Variants in CNTN4 observed in about 807,000 individuals in gnomAD.
CNTN4 encodes the protein contactin-4.
A neutral mutation model predicts 122.5 loss-of-function variants in CNTN4; 77 were observed. The ratio of observed to expected loss-of-function variants is 0.63; its 90% CI spans 0.52 to 0.76. The LOEUF is 0.76. Among genes scored for constraint, CNTN4 ranks in the 30% least tolerant of loss-of-function variants. The probability of loss-of-function intolerance (pLI) is 0.00; values close to 1 mark genes in which losing one functional copy is unlikely to be tolerated. For missense variants in CNTN4, 1,256 were observed against 1,259.1 expected, an observed-to-expected ratio of 1.00 and a Z score of 0.04; for synonymous variants, 512 against 447.0, an observed-to-expected ratio of 1.15 and a Z score of -1.83.
intron 7 of CNTN4, among the ~76,000 whole-genome samples, chr3:2,854,528 C>T (rs1408417050): frequency 6.6e-6 from 1 of 152,080 alleles, no homozygotes; most frequent in Non-Finnish European, 1.5e-5. Context: ...CTGCCTCTGC[C>T]TCCCAAAGTG....
At chr3:2,367,526 T>C (rs937811951) in intron 3 of CNTN4, among the ~76,000 whole-genome samples, 1 of 152,212 alleles carries the variant, frequency 6.6e-6, no homozygotes, top group African/African-American at 2.4e-5. Flanking sequence ...GAGTCTTTTT[T>C]TTATTTTTAT....
intron 4 of CNTN4, among the ~76,000 whole-genome samples, chr3:2,656,138 C>T (rs1339086840): frequency 4.6e-5 from 7 of 152,016 alleles, no homozygotes; most frequent in Non-Finnish European, 5.9e-5. Context: ...ATTTTTAAAA[C>T]AATTAAAAGA....
At chr3:2,296,887 G>A (rs1414295922) in intron 2 of CNTN4, among the ~76,000 whole-genome samples, 2 of 151,566 alleles carry the variant, frequency 1.3e-5, no homozygotes, top group African/African-American at 4.8e-5. Flanking sequence ...GATCTTCAAT[G>A]TAGTATTCTA....
At chr3:3,049,355 T>A in intron 23 of CNTN4, among the ~76,000 whole-genome samples, 1 of 152,228 alleles carries the variant, frequency 6.6e-6, no homozygotes, top group Non-Finnish European at 1.5e-5. Flanking sequence ...AGTGCTGGGA[T>A]TACAGGCATG....
chr3:2,605,228 CT>C (rs1191141314), intron 4 of CNTN4, among the ~76,000 whole-genome samples: 5 of 152,152 alleles, frequency 3.3e-5, no homozygotes, highest in African/African-American at 1.2e-4. Context: ...TTTTGAACTC[CT>C]GGTCTAAAGT....
chr3:2,988,483 A>G lies in CNTN4; in HGVS notation c.1486+11A>G. 6.2e-7 allele frequency: 1 copy of G among 1,613,598 alleles called. No homozygotes were observed. Among genetic ancestry groups the G allele is most frequent in the Non-Finnish European group, 8.5e-7 (1 of 1,179,594 alleles). Reference sequence around the variant, plus strand: ...ACTTGGTAGTGAAAGGTAATGGCTAACCCAAAGAATTCGAATATTTATATA... The same window carrying G: ...ACTTGGTAGTGAAAGGTAATGGCTAGCCCAAAGAATTCGAATATTTATATA... On this transcript the variant is annotated intron_variant, in intron 14 of 24. Transcript: ENST00000418658.
In CNTN4 at chr3:2,273,709, T is replaced by C. The variant is rs752580888; in HGVS notation, c.-144-65469T>C. ...TGCTTCCCACTTTACTATTTTCCTC[T>C]TAATGCAGTACTAATATATGTTGAA... On this transcript the variant is annotated intron_variant, in intron 2 of 24. Coordinates refer to ENST00000418658, the MANE Select transcript of CNTN4 (RefSeq NM_175607.3). 3.9e-5 allele frequency among the ~76,000 whole-genome samples: 6 copies of C among 152,310 alleles called. No individual in the cohort carries two copies. The South Asian group carries it at 1.2e-3, about 32-fold the overall frequency.
At chr3:2,675,391 C>T (rs936274554) in intron 4 of CNTN4, among the ~76,000 whole-genome samples, 1 of 152,178 alleles carries the variant, frequency 6.6e-6, no homozygotes, top group Admixed American at 6.5e-5. Context: ...TATAAGTTCT[C>T]ACCTAAATGC....
intron 3 of CNTN4, among the ~76,000 whole-genome samples, chr3:2,386,366 G>T (rs1447237474): frequency 6.6e-6 from 1 of 152,146 alleles, no homozygotes; most frequent in Non-Finnish European, 1.5e-5. Flanking sequence ...TAGTTTTTCT[G>T]TCTGGGCCTG....
At chr3:2,825,041 T>TG (rs1222961507) in intron 7 of CNTN4, among the ~76,000 whole-genome samples, 2 of 152,074 alleles carry the variant, frequency 1.3e-5, no homozygotes, top group African/African-American at 4.8e-5. Flanking sequence ...ATAAAGGAAA[T>TG]GAAAAACTAA....
chr3:2,518,178 C>G (rs2077092210), intron 3 of CNTN4, among the ~76,000 whole-genome samples: 1 of 151,914 alleles, frequency 6.6e-6, no homozygotes, highest in Admixed American at 6.6e-5. Flanking sequence ...ACTTTCTTAC[C>G]TAAATTATTA....
chr3:2,684,335 A>G (rs1418097492), intron 4 of CNTN4, among the ~76,000 whole-genome samples: 1 of 152,158 alleles, frequency 6.6e-6, no homozygotes, highest in South Asian at 2.1e-4. Flanking sequence ...TGCAGCTGAG[A>G]ATCCTGGACA....
chr3:2,694,016 TC>T (rs1208371539), intron 4 of CNTN4, among the ~76,000 whole-genome samples: 6 of 152,130 alleles, frequency 3.9e-5, no homozygotes, highest in Non-Finnish European at 8.8e-5. Flanking sequence ...TTGCCCCACT[TC>T]CCCGTTTACT....
rs11918942 is a variant in CNTN4, at chr3:2,210,062, A to G, written c.-145+109423A>G. Among the ~76,000 whole-genome samples, 910 of 152,160 alleles carry G rather than the reference A, an allele frequency of 6.0e-3. 4 individuals carry two copies. Among genetic ancestry groups the G allele is most frequent in the African/African-American group, 0.021 (886 of 41,530 alleles). ...TCTACTTTCAGTGTCTTACAAAACT[A>G]TTTACCAAGGTGTGTAAGATATGTA... On this transcript the variant is annotated intron_variant, in intron 2 of 24. Transcript: ENST00000418658.
At chr3:2,189,418 G>C (rs2037422798) in intron 2 of CNTN4, among the ~76,000 whole-genome samples, 1 of 152,150 alleles carries the variant, frequency 6.6e-6, no homozygotes, top group Non-Finnish European at 1.5e-5. Flanking sequence ...CTCTGGGATG[G>C]TACTCAGTGC....
chr3:2,186,051 G>A (rs2037241665), intron 2 of CNTN4, among the ~76,000 whole-genome samples: 1 of 152,046 alleles, frequency 6.6e-6, no homozygotes, highest in Non-Finnish European at 1.5e-5. Context: ...ATTTACGTTA[G>A]GTATGTCTTC....
chr3:2,400,369 T>A (rs1014514881), intron 3 of CNTN4, among the ~76,000 whole-genome samples: 1 of 142,742 alleles, frequency 7.0e-6, no homozygotes, highest in African/African-American at 2.5e-5. Context: ...TGGGTGTATG[T>A]GTGTGTATAT....
intron 4 of CNTN4, among the ~76,000 whole-genome samples, chr3:2,607,755 G>A (rs533891974): frequency 1.4e-4 from 21 of 152,124 alleles, no homozygotes; most frequent in South Asian, 6.2e-4. Flanking sequence ...TAAATGCTAT[G>A]TTAAAAAATA....
chr3:2,339,481 G>C (rs147420408), intron 3 of CNTN4, among the ~76,000 whole-genome samples: 4 of 152,282 alleles, frequency 2.6e-5, no homozygotes, highest in Admixed American at 6.5e-5. Flanking sequence ...CTGTAGTTTA[G>C]ATTAATTTGA....
Sources: gnomAD v4.1 joint callset for allele counts (sites outside exome capture counted in the v4.1 genomes callset) on GRCh38, gnomAD v4.1.1 for gene constraint, MANE v1.5 for transcripts, NCBI Gene and HGNC (gene_info 2026-07-23, HGNC 2026-07-21) for gene names.